Variants in CFDP1 observed in about 807,000 individuals in gnomAD.
CFDP1 encodes heterochromatin-stabilizing protein CFDP1.
CFDP1 carries 31 observed loss-of-function variants against 40.1 expected under a neutral mutation model. The observed-to-expected ratio is 0.77, with a 90% CI of 0.58 to 1.04. CFDP1 has a LOEUF of 1.04. Among genes scored for constraint, CFDP1 ranks in the 50% least tolerant of loss-of-function variants. The pLI is 0.00. For missense variants in CFDP1, 423 were observed against 343.4 expected, an observed-to-expected ratio of 1.23 and a Z score of -1.83; for synonymous variants, 167 against 120.0, an observed-to-expected ratio of 1.39 and a Z score of -2.56.
At position 75,387,673 on chromosome 16, in the gene CFDP1, T is replaced by A. The variant is rs114271549; in HGVS notation, c.650+7417A>T. On this transcript the variant is annotated intron_variant, in intron 5 of 6. Coordinates refer to ENST00000283882, the MANE Select transcript of CFDP1 (RefSeq NM_006324.3). The stretch of plus-strand genomic sequence containing the variant: ...TCCTACCTGGCTCTCCATCAACATA[T>A]AAGTTGTCCACAATGTAGGATTCAT... Among the ~76,000 whole-genome samples, 557 of 152,300 alleles carry A rather than the reference T, an allele frequency of 3.7e-3. 4 individuals are homozygous for A. Among genetic ancestry groups the A allele is most frequent in the African/African-American group, 0.013 (530 of 41,568 alleles).
intron 5 of CFDP1, among the ~76,000 whole-genome samples, chr16:75,358,368 G>A (rs1226767487): frequency 6.6e-6 from 1 of 152,018 alleles, no homozygotes; most frequent in Admixed American, 6.6e-5. Flanking sequence ...CAGCTTTTCT[G>A]AAATAATAAT....
At chr16:75,342,003 T>C (rs1884069877) in intron 5 of CFDP1, among the ~76,000 whole-genome samples, 1 of 152,240 alleles carries the variant, frequency 6.6e-6, no homozygotes. Flanking sequence ...TGGCATTTTA[T>C]TAATTCCTAA....
chr16:75,370,364 A>T (rs1483465549), intron 5 of CFDP1, among the ~76,000 whole-genome samples: 1 of 152,026 alleles, frequency 6.6e-6, no homozygotes, highest in African/African-American at 2.4e-5. Flanking sequence ...AAGTGCTGGG[A>T]TTACCAACGT....
At chr16:75,365,375 C>A (rs538350804) in intron 5 of CFDP1, among the ~76,000 whole-genome samples, 1 of 152,244 alleles carries the variant, frequency 6.6e-6, no homozygotes, top group Admixed American at 6.5e-5. Flanking sequence ...GCAACCAAAG[C>A]CAGGCAGAAA....
intron 5 of CFDP1, among the ~76,000 whole-genome samples, chr16:75,359,601 A>T (rs2078669052): frequency 6.6e-6 from 1 of 151,998 alleles, no homozygotes; most frequent in African/African-American, 2.4e-5. Flanking sequence ...CTTTCCTGAG[A>T]CTCCAATGCA....
rs576406459 is a variant in CFDP1, at chr16:75,356,911, C to CTTTTT, written c.650+38174_650+38178dup. The stretch of plus-strand genomic sequence containing the variant: ...TGTTATGGAAACAGCTGCTTTCTTT[C>CTTTTT]TTTTTTTTTTTTTTTTTTTTGAGAC... On this transcript the variant is annotated intron_variant, in intron 5 of 6. Coordinates refer to ENST00000283882, the MANE Select transcript of CFDP1 (RefSeq NM_006324.3). Among the ~76,000 whole-genome samples the CTTTTT allele has an allele frequency of 3.0e-3, 240 of 80,548 alleles. 1 individual carries two copies. The highest frequency in any genetic ancestry group is 3.7e-3 in the Non-Finnish European group (137 of 37,078). 52.8% of individuals were successfully genotyped at this position (80,548 alleles called of 152,430 possible).
At chr16:75,327,845 T>C (rs2078413924) in intron 5 of CFDP1, among the ~76,000 whole-genome samples, 3 of 152,076 alleles carry the variant, frequency 2.0e-5, no homozygotes, top group South Asian at 4.2e-4. Context: ...TGCCTCAGCC[T>C]CCCGAATAGC....
At chr16:75,424,903 T>C (rs1251276882) in intron 1 of CFDP1, among the ~76,000 whole-genome samples, 1 of 152,066 alleles carries the variant, frequency 6.6e-6, no homozygotes, top group African/African-American at 2.4e-5. Context: ...AATAAAACTG[T>C]TTCTATTCAC....
intron 5 of CFDP1, among the ~76,000 whole-genome samples, chr16:75,314,525 G>A (rs903593355): frequency 2.0e-5 from 3 of 152,136 alleles, no homozygotes; most frequent in African/African-American, 7.2e-5. Flanking sequence ...GATAAACGGT[G>A]TGGGGTTTCT....
intron 6 of CFDP1, among the ~76,000 whole-genome samples, chr16:75,303,280 C>T (rs532980949): frequency 3.3e-4 from 50 of 152,050 alleles, no homozygotes; most frequent in South Asian, 6.2e-4. Context: ...GCAGGAGAAT[C>T]GCTTGAACCC....
At chr16:75,394,569 T>C (rs2078980194) in intron 5 of CFDP1, 1 of 152,046 alleles carries the variant, frequency 6.6e-6, no homozygotes, top group African/African-American at 2.4e-5. Context: ...AAATGTAAAA[T>C]TTACACGTTC....
At chr16:75,306,679 T>C (rs2078259123) in intron 5 of CFDP1, 1 of 152,110 alleles carries the variant, frequency 6.6e-6, no homozygotes. Context: ...AAGGAAGATC[T>C]CTCCCAACTC....
chr16:75,378,085 C>T (rs2078817201), intron 5 of CFDP1, among the ~76,000 whole-genome samples: 4 of 152,136 alleles, frequency 2.6e-5, no homozygotes, highest in Admixed American at 2.6e-4. Flanking sequence ...GAGGGAATAC[C>T]ATGTGCTTCC....
At chr16:75,432,305 G>A (rs1270615765) in intron 1 of CFDP1, among the ~76,000 whole-genome samples, 1 of 149,130 alleles carries the variant, frequency 6.7e-6, no homozygotes, top group African/African-American at 2.5e-5. Context: ...GGTGGCTGAG[G>A]TGGGAGGATC....
intron 5 of CFDP1, among the ~76,000 whole-genome samples, chr16:75,391,967 C>G (rs2078955904): frequency 6.6e-6 from 1 of 150,536 alleles, no homozygotes; most frequent in Admixed American, 6.6e-5. Context: ...GACTCCGTCT[C>G]AAAAAAATAA....
At chr16:75,307,690 CAG>C (rs1345939542) in intron 5 of CFDP1, among the ~76,000 whole-genome samples, 1 of 152,168 alleles carries the variant, frequency 6.6e-6, no homozygotes, top group Non-Finnish European at 1.5e-5. Flanking sequence ...TCCTGAGGTG[CAG>C]AGACTACAGG....
chr16:75,412,446 A>G, intron 3 of CFDP1, 89 bp downstream of exon 3: 1 of 948,214 alleles, frequency 1.1e-6, no homozygotes, highest in Non-Finnish European at 1.7e-6. Context: ...TGTTATCAAA[A>G]GGCATCTGGT....
In CFDP1 at chr16:75,349,683, A is replaced by AT. The variant is rs58480272; in HGVS notation, c.651-44502_651-44501insA. On this transcript the variant is annotated intron_variant, in intron 5 of 6. Coordinates refer to ENST00000283882, the MANE Select transcript of CFDP1 (RefSeq NM_006324.3). ...AAAAAAAAAAAAAAAAAAAAAAAAA[A>AT]AAAAAAAATATATATACATACATAT... Among the ~76,000 whole-genome samples, 158 of 73,070 alleles carry AT rather than the reference A, an allele frequency of 2.2e-3. 13 individuals are homozygous for AT. The highest frequency in any genetic ancestry group is 2.8e-3 in the Non-Finnish European group (109 of 38,824). The allele number at this position is 73,070 out of a possible 152,430, so 47.9% of individuals were successfully genotyped here.
intron 1 of CFDP1, among the ~76,000 whole-genome samples, chr16:75,428,869 C>A (rs2079374741): frequency 6.6e-6 from 1 of 152,088 alleles, no homozygotes; most frequent in South Asian, 2.1e-4. Context: ...GTAATCCCAG[C>A]ACTTTGGGAG....
Sources: allele counts gnomAD v4.1 joint callset (sites outside exome capture counted in the v4.1 genomes callset), GRCh38; gene constraint gnomAD v4.1.1; transcripts MANE v1.5; gene names NCBI Gene and HGNC (gene_info 2026-07-23, HGNC 2026-07-21).